The following SYT7 variants were observed in gnomAD, a reference collection of about 807,000 sequenced individuals.
The protein encoded by SYT7 is synaptotagmin-7.
SYT7 carries 29 observed loss-of-function variants against 75.1 expected under a neutral mutation model. That is an observed-to-expected ratio of 0.39 (90% CI 0.29 to 0.53). The LOEUF is 0.53. Among genes scored for constraint, SYT7 ranks in the 20% least tolerant of loss-of-function variants. The pLI is 0.77. For missense variants in SYT7, 693 were observed against 953.2 expected, an observed-to-expected ratio of 0.73 and a Z score of 3.59; for synonymous variants, 376 against 401.7, an observed-to-expected ratio of 0.94 and a Z score of 0.76.
rs752205455 is a variant in SYT7, at chr11:61,518,556, G to A, written c.*71C>T. The A allele has an allele frequency of 9.4e-5, 108 of 1,144,452 alleles. 1 individual carries two copies. The highest frequency in any genetic ancestry group is 3.4e-4 in the South Asian group (21 of 61,066). 70.9% of individuals were successfully genotyped at this position (1,144,452 alleles called of 1,614,324 possible). On this transcript the variant is annotated 3_prime_UTR_variant, in exon 13 of 13. Transcript: ENST00000539008. ...CTATGGCAGGGGGCTCAGGCCGGGC[G>A]TTGTGCATAAAGTGGTGAGGGCATG...
intron 1 of SYT7, among the ~76,000 whole-genome samples, chr11:61,563,778 G>A (rs931946184): frequency 6.6e-6 from 1 of 152,098 alleles, no homozygotes; most frequent in Non-Finnish European, 1.5e-5. Context: ...AATCCTTTCT[G>A]CCTCCCTAGT....
rs1173094215 is a variant in SYT7, at chr11:61,542,286, C to T, written c.866G>A (p.Ser289Asn). ...GSKYRAAGGR[S>N]RSNPGSWDHV... ...GTCCCAGCTGCCTGGGTTGGAGCGGCTGCGGCCCCCTGCCGCCCGGTACTT... is the reference window on the plus strand; with the variant it reads ...GTCCCAGCTGCCTGGGTTGGAGCGGTTGCGGCCCCCTGCCGCCCGGTACTT... Residue 289 changes from serine to asparagine, a missense_variant, in exon 6 of 13, where the codon AGC becomes AAC. Transcript: ENST00000539008. The surrounding 1 kb of genome is among the most constrained non-coding windows in gnomAD (Gnocchi z 7.8). 1 of 1,534,844 alleles carries T rather than the reference C, an allele frequency of 6.5e-7. No individual in the cohort carries two copies. The highest frequency in any genetic ancestry group is 1.2e-5 in the South Asian group (1 of 84,026).
At position 61,546,071 on chromosome 11, in the gene SYT7, C is replaced by G; in HGVS notation, c.532G>C (p.Val178Leu). Residue 178 changes from valine to leucine, a missense_variant, in exon 5 of 13, where the codon GTG becomes CTG. By Grantham distance (32) the Val-to-Leu change is conservative (BLOSUM62 1). Around this residue, in one of 2 missense-constraint regions of SYT7, gnomAD observed 487 missense variants for 593.2 expected, o/e 0.82. Transcript: ENST00000539008. The surrounding 1 kb of genome is among the most constrained non-coding windows in gnomAD (Gnocchi z 7.6). Reference sequence around the variant, plus strand: ...TTCCCTGCGGCCAGGTGGCTCTGCACCGTCCGCCAGCGGCCTCTCCCCGCC... The same window carrying G: ...TTCCCTGCGGCCAGGTGGCTCTGCAGCGTCCGCCAGCGGCCTCTCCCCGCC... ...GKAGRGRWRT[V>L]QSHLAAGKLN... The G allele has an allele frequency of 3.9e-6, 6 of 1,533,040 alleles. No homozygotes were observed. Among genetic ancestry groups the G allele is most frequent in the Non-Finnish European group, 5.2e-6 (6 of 1,145,576 alleles). 95.0% of individuals were successfully genotyped at this position (1,533,040 alleles called of 1,614,324 possible). A position where few individuals can be genotyped will look rare whatever the true frequency, so the allele number is the denominator to read the frequency against.
At chr11:61,532,935 C>T (rs780191197) in intron 8 of SYT7, 54 bp downstream of exon 8, 4 of 1,602,216 alleles carry the variant, frequency 2.5e-6, no homozygotes, top group Non-Finnish European at 8.5e-7. Context: ...CTTCTTCCTG[C>T]CCCTGGCCTC....
chr11:61,532,511 G>A (rs555240746), intron 8 of SYT7, among the ~76,000 whole-genome samples: 2 of 152,156 alleles, frequency 1.3e-5, no homozygotes, highest in Non-Finnish European at 2.9e-5. Flanking sequence ...GTTCTCAGGG[G>A]CCACCAGCCA....
In SYT7 at chr11:61,531,751, G is replaced by T. The variant is rs184753621; in HGVS notation, c.1200+1238C>A. 8.8e-4 allele frequency among the ~76,000 whole-genome samples: 134 copies of T among 151,926 alleles called. 1 individual carries two copies. Among genetic ancestry groups the T allele is most frequent in the African/African-American group, 3.2e-3 (132 of 41,416 alleles). ...TCTACTAAAAATAGAAAAATTAGCC[G>T]GGCGTGGTGGTGTACTACTGTAATC... is the stretch of plus-strand genomic sequence containing the variant. On this transcript the variant is annotated intron_variant, in intron 8 of 12. Coordinates refer to ENST00000539008, the MANE Select transcript of SYT7 (RefSeq NM_001365809.2).
chr11:61,516,908 T>C lies in SYT7; in HGVS notation c.*1719A>G. The C allele has an allele frequency of 4.6e-6, 1 of 219,588 alleles. No homozygotes were observed. The highest frequency in any genetic ancestry group is 9.3e-5 in the East Asian group (1 of 10,720). 13.6% of individuals were successfully genotyped at this position (219,588 alleles called of 1,614,324 possible). The stretch of plus-strand genomic sequence containing the variant: ...CGGTATGGGCAAAAGGCGACCCGTC[T>C]ACTGCAGCAAGCAGAATGCTCAGCT... On this transcript the variant is annotated 3_prime_UTR_variant, in exon 13 of 13. Coordinates refer to ENST00000539008, the MANE Select transcript of SYT7 (RefSeq NM_001365809.2). This position sits in a 1 kb window ranked among gnomAD's most constrained non-coding sequence, Gnocchi z 4.6.
At position 61,546,145 on chromosome 11, in the gene SYT7, G is replaced by A. The variant is rs1475900572; in HGVS notation, c.458C>T (p.Ala153Val). Residue 153 changes from alanine (A) to valine (V), a missense_variant, in exon 5 of 13, where the codon GCC (alanine) becomes GTC (valine). This residue lies in a region of SYT7 where 487 missense variants were observed against 593.2 expected (regional missense o/e 0.82). Transcript: ENST00000539008. The surrounding 1 kb of genome is among the most constrained non-coding windows in gnomAD (Gnocchi z 7.6). ...PAPVPPPGEDALRSGGAAPSE... is the reference protein window; with the variant it reads ...PAPVPPPGEDVLRSGGAAPSE... ...GGGGGCAGCCCCGCCGCTTCTCAAG[G>A]CGTCCTCTCCGGGTGGCGGCACCGG... is the stretch of plus-strand genomic sequence containing the variant. 8 of 1,528,956 alleles carry A rather than the reference G, an allele frequency of 5.2e-6. No homozygotes were observed. Among genetic ancestry groups the A allele is most frequent in the Non-Finnish European group, 7.0e-6 (8 of 1,143,960 alleles). The allele number at this position is 1,528,956 out of a possible 1,614,324, so 94.7% of individuals were successfully genotyped here. A position where few individuals can be genotyped will look rare whatever the true frequency, so the allele number is the denominator to read the frequency against.
intron 6 of SYT7, chr11:61,541,280 G>A: frequency 1.0e-6 from 1 of 985,536 alleles, no homozygotes; most frequent in Non-Finnish European, 1.2e-6. Context: ...CCTGGGCGAT[G>A]GGAACAATCC....
At position 61,538,135 on chromosome 11, in the gene SYT7, T is replaced by G; in HGVS notation, c.1064+9A>C. ...CGCCGCCGCCGCAGGCCCTCGCCTG[T>G]GCTCGTACCTCTTGTCCCCCTGAGC... On this transcript the variant is annotated intron_variant, in intron 7 of 12. Transcript: ENST00000539008. The G allele has an allele frequency of 6.5e-7, 1 of 1,535,928 alleles. No homozygotes were observed. The highest frequency in any genetic ancestry group is 8.7e-7 in the Non-Finnish European group (1 of 1,146,746).
upstream of SYT7, among the ~76,000 whole-genome samples, chr11:61,585,788 G>C (rs933486714): frequency 4.6e-5 from 7 of 152,140 alleles, no homozygotes; most frequent in Admixed American, 1.3e-4. Context: ...GGTGCTAAAA[G>C]ACAGGGTTTG....
intron 7 of SYT7, among the ~76,000 whole-genome samples, chr11:61,534,597 G>A (rs940966103): frequency 3.3e-5 from 5 of 152,330 alleles, no homozygotes; most frequent in South Asian, 2.1e-4. Context: ...CAGGGATCCC[G>A]AGAGGAGATG....
At chr11:61,535,207 A>G (rs1015261002) in intron 7 of SYT7, among the ~76,000 whole-genome samples, 1 of 152,094 alleles carries the variant, frequency 6.6e-6, no homozygotes, top group African/African-American at 2.4e-5. Context: ...AAGGAGAGAG[A>G]GGCCAAGAAA....
At chr11:61,537,669 C>T (rs2062905964) in intron 7 of SYT7, among the ~76,000 whole-genome samples, 1 of 152,196 alleles carries the variant, frequency 6.6e-6, no homozygotes, top group South Asian at 2.1e-4. Flanking sequence ...CCTCTTCCAT[C>T]AGCCAAGCAG....
At chr11:61,567,818 C>T (rs371739633) in intron 1 of SYT7, among the ~76,000 whole-genome samples, 138 of 152,350 alleles carry the variant, frequency 9.1e-4, no homozygotes, top group African/African-American at 3.2e-3. Flanking sequence ...GCCCCCTCAC[C>T]GCTCCCGGGG....
At chr11:61,541,015 C>T in intron 6 of SYT7, 1 of 985,504 alleles carries the variant, frequency 1.0e-6, no homozygotes, top group Non-Finnish European at 1.2e-6. Context: ...TCTTGCTGGC[C>T]ATGGGCCACT....
At position 61,551,129 on chromosome 11, in the gene SYT7, G is replaced by A. The variant is rs148389206; in HGVS notation, c.215+255C>T. Reference sequence around the variant, plus strand: ...AGCGGCAACCAGGGTTGAGGTGGGCGCAGAAGGTGCTGGCGGTGAGGGCAG... The same window carrying A: ...AGCGGCAACCAGGGTTGAGGTGGGCACAGAAGGTGCTGGCGGTGAGGGCAG... On this transcript the variant is annotated intron_variant, in intron 3 of 12. Transcript: ENST00000539008. This position sits in a 1 kb window ranked among gnomAD's most constrained non-coding sequence, Gnocchi z 5.3. Among the ~76,000 whole-genome samples the A allele has an allele frequency of 2.6e-5, 4 of 152,292 alleles. No individual in the cohort carries two copies. The highest frequency in any genetic ancestry group is 5.9e-5 in the Non-Finnish European group (4 of 68,012).
At chr11:61,572,250 G>A (rs910810119) in intron 1 of SYT7, among the ~76,000 whole-genome samples, 3 of 152,180 alleles carry the variant, frequency 2.0e-5, no homozygotes, top group African/African-American at 7.2e-5. Context: ...TGCCAGTAGA[G>A]AGAATGGAGA....
rs532402543 is a variant in SYT7, at chr11:61,534,305, C to T, written c.1065-1181G>A. On this transcript the variant is annotated intron_variant, in intron 7 of 12. Transcript: ENST00000539008. ...GGTGACCACGACAGGCACAGACAGA[C>T]ATGCATGGAATATGCCAGGCCCTGG... Among the ~76,000 whole-genome samples, 56 of 152,348 alleles carry T rather than the reference C, an allele frequency of 3.7e-4. 1 individual carries two copies. In the South Asian group the frequency reaches 0.01, roughly 28 times the overall value.
Sources: allele counts gnomAD v4.1 joint callset (sites outside exome capture counted in the v4.1 genomes callset), GRCh38; gene constraint gnomAD v4.1.1; regional missense constraint gnomAD v4.1.1; non-coding constraint Gnocchi (gnomAD v3.1); transcripts MANE v1.5; gene names NCBI Gene and HGNC (gene_info 2026-07-23, HGNC 2026-07-21).